TNR: variants seen among roughly 807,000 people sequenced by gnomAD.
TNR encodes tenascin-R.
TNR carries 45 observed loss-of-function variants against 150.4 expected under a neutral mutation model. That is an observed-to-expected ratio of 0.30 (90% CI 0.24 to 0.38). TNR has a LOEUF of 0.38. Among genes scored for constraint, TNR ranks in the 10% least tolerant of loss-of-function variants. TNR has a pLI of 1.00. For synonymous variants in TNR, 687 were observed against 678.4 expected (o/e 1.01, Z -0.20); for missense variants, 1,544 against 1,759.1 (o/e 0.88, Z 2.19).
chr1:175,651,535 C>CA (rs1384513009), intron 1 of TNR, among the ~76,000 whole-genome samples: 1 of 151,602 alleles, frequency 6.6e-6, no homozygotes, highest in Non-Finnish European at 1.5e-5. Context: ...ATATACACTT[C>CA]AAAAAATATA....
intron 2 of TNR, among the ~76,000 whole-genome samples, chr1:175,413,502 G>T (rs1326401810): frequency 6.6e-6 from 1 of 152,220 alleles, no homozygotes; most frequent in East Asian, 1.9e-4. Context: ...AGTGGGTAAT[G>T]TTTAAACCAC....
At chr1:175,359,164 T>TTTTTTTTTTTTTTTTTTTC (rs1651472481) in intron 15 of TNR, among the ~76,000 whole-genome samples, 1 of 139,440 alleles carries the variant, frequency 7.2e-6, no homozygotes, top group Non-Finnish European at 1.5e-5. Flanking sequence ...TTTTTTTTTT[T>TTTTTTTTTTTTTTTTTTTC]AGATGGAGTC....
intron 2 of TNR, among the ~76,000 whole-genome samples, chr1:175,460,946 T>C (rs537910538): frequency 3.3e-5 from 5 of 152,320 alleles, no homozygotes; most frequent in African/African-American, 1.2e-4. Flanking sequence ...TATGCATCCA[T>C]GCACACATGC....
chr1:175,324,222 A>ATT, intron 22 of TNR, 134 bp downstream of exon 22: 1 of 1,054,448 alleles, frequency 9.5e-7, no homozygotes, highest in East Asian at 2.6e-5. Context: ...TGTCTGCATT[A>ATT]TTTTTCTCAA....
intron 1 of TNR, among the ~76,000 whole-genome samples, chr1:175,685,514 T>G (rs1666163029): frequency 6.6e-6 from 1 of 152,190 alleles, no homozygotes; most frequent in Non-Finnish European, 1.5e-5. Flanking sequence ...GCCCATGAGT[T>G]TCATTCTGCC....
chr1:175,343,884 C>G (rs1650644800), intron 18 of TNR, among the ~76,000 whole-genome samples: 1 of 152,210 alleles, frequency 6.6e-6, no homozygotes, highest in East Asian at 1.9e-4. Flanking sequence ...ATGTCACCTT[C>G]AACCCATGGT....
At chr1:175,613,795 A>G (rs1208326575) in intron 1 of TNR, among the ~76,000 whole-genome samples, 1 of 152,186 alleles carries the variant, frequency 6.6e-6, no homozygotes, top group Non-Finnish European at 1.5e-5. Context: ...CCTCCTGCAT[A>G]TCCAGTCTAC....
chr1:175,724,690 A>C (rs943189233), intron 1 of TNR, among the ~76,000 whole-genome samples: 2 of 152,174 alleles, frequency 1.3e-5, no homozygotes, highest in Non-Finnish European at 2.9e-5. Flanking sequence ...CATGTTTTAC[A>C]TTTCACAATT....
chr1:175,455,932 G>A (rs1656554155), intron 2 of TNR, among the ~76,000 whole-genome samples: 1 of 152,180 alleles, frequency 6.6e-6, no homozygotes, highest in Non-Finnish European at 1.5e-5. Flanking sequence ...GGTGCTTTGA[G>A]AGTGAACGGG....
At chr1:175,689,658 C>T (rs1265097376) in intron 1 of TNR, among the ~76,000 whole-genome samples, 1 of 152,156 alleles carries the variant, frequency 6.6e-6, no homozygotes, top group Non-Finnish European at 1.5e-5. Flanking sequence ...CCTCTCATTG[C>T]CTTTATTGGC....
chr1:175,628,989 A>G (rs1057218418), intron 1 of TNR, among the ~76,000 whole-genome samples: 9 of 152,168 alleles, frequency 5.9e-5, no homozygotes, highest in African/African-American at 2.2e-4. Context: ...GTGTGATCCT[A>G]TCAGGGCTGG....
chr1:175,565,047 G>T (rs1051110170), intron 1 of TNR, among the ~76,000 whole-genome samples: 22 of 152,370 alleles, frequency 1.4e-4, no homozygotes, highest in African/African-American at 2.9e-4. Flanking sequence ...AAGGCTAAAA[G>T]CTGAGCTCAC....
At chr1:175,656,830 T>A (rs1162838607) in intron 1 of TNR, among the ~76,000 whole-genome samples, 1 of 152,114 alleles carries the variant, frequency 6.6e-6, no homozygotes, top group Non-Finnish European at 1.5e-5. Flanking sequence ...TGAAGTTTTG[T>A]GTGTGTGGTG....
At chr1:175,408,466 T>C (rs1259523171) in intron 2 of TNR, among the ~76,000 whole-genome samples, 1 of 152,222 alleles carries the variant, frequency 6.6e-6, no homozygotes, top group Non-Finnish European at 1.5e-5. Context: ...TATAAAATCA[T>C]GCCTTATTAT....
chr1:175,587,669 T>A (rs1662628025), intron 1 of TNR, among the ~76,000 whole-genome samples: 1 of 151,558 alleles, frequency 6.6e-6, no homozygotes, highest in South Asian at 2.1e-4. Flanking sequence ...ACATGGACTT[T>A]AAAAAAAAAT....
At chr1:175,650,673 T>TTGCC (rs2101888145) in intron 1 of TNR, among the ~76,000 whole-genome samples, 1 of 56,216 alleles carries the variant, frequency 1.8e-5, no homozygotes, top group Non-Finnish European at 3.7e-5. Context: ...TGAGGCTGCC[T>TTGCC]CCACCTTATT....
intron 1 of TNR, among the ~76,000 whole-genome samples, chr1:175,604,636 T>C (rs1663355182): frequency 1.3e-5 from 2 of 152,198 alleles, no homozygotes; most frequent in African/African-American, 2.4e-5. Context: ...CTTTATGCCA[T>C]CCTCTCTCCT....
intron 2 of TNR, among the ~76,000 whole-genome samples, chr1:175,519,807 A>G (rs1335848551): frequency 6.6e-6 from 1 of 152,200 alleles, no homozygotes; most frequent in African/African-American, 2.4e-5. Flanking sequence ...CACAAGTGAT[A>G]TTTACACCCT....
At chr1:175,345,329 C>A (rs149301769) in intron 18 of TNR, among the ~76,000 whole-genome samples, 3 of 152,106 alleles carry the variant, frequency 2.0e-5, no homozygotes, top group Non-Finnish European at 2.9e-5. Context: ...CAAAGGGACA[C>A]GAGCTCACAG....
Sources: gnomAD v4.1 joint callset for allele counts (sites outside exome capture counted in the v4.1 genomes callset) on GRCh38, gnomAD v4.1.1 for gene constraint, MANE v1.5 for transcripts, NCBI Gene and HGNC (gene_info 2026-07-23, HGNC 2026-07-21) for gene names.